The following DUSP8 variants were observed in gnomAD, a reference collection of about 807,000 sequenced individuals.
DUSP8 encodes dual specificity protein phosphatase 8.
Under a neutral mutation model 38.7 loss-of-function variants are expected in DUSP8, and 15 were observed. That is an observed-to-expected ratio of 0.39 (90% CI 0.26 to 0.60). DUSP8 has a LOEUF of 0.60. Among genes scored for constraint, DUSP8 ranks in the 20% least tolerant of loss-of-function variants. The pLI, the probability that DUSP8 is intolerant of heterozygous loss-of-function variation, is 0.56. For missense variants in DUSP8, 768 were observed against 915.0 expected (o/e 0.84, Z 2.07); for synonymous variants, 458 against 433.9 (o/e 1.06, Z -0.69).
chr11:1,557,610 G>C lies in DUSP8; in HGVS notation c.822-36C>G. ...GGAGGCTCAGTCCCAGGCGCCCGCC[G>C]GGGCCAGGCTGCCCACCTGACGCAC... On this transcript the variant is annotated intron_variant, in intron 6 of 6. Transcript: ENST00000397374. The surrounding 1 kb of genome is among the most constrained non-coding windows in gnomAD (Gnocchi z 9.9). 6.7e-7 allele frequency: 1 copy of C among 1,495,008 alleles called. No homozygotes were observed. The highest frequency in any genetic ancestry group is 8.9e-7 in the Non-Finnish European group (1 of 1,127,318). The allele number at this position is 1,495,008 out of a possible 1,614,324, so 92.6% of individuals were successfully genotyped here. A position where few individuals can be genotyped will look rare whatever the true frequency, so the allele number is the denominator to read the frequency against.
rs1848588519 is a variant in DUSP8 at position 1,554,429 on chromosome 11, G to A, written c.*2089C>T. 1 of 153,980 alleles carries A rather than the reference G, an allele frequency of 6.5e-6. No individual in the cohort carries two copies. The highest frequency in any genetic ancestry group is 1.5e-5 in the Non-Finnish European group (1 of 68,782). The allele number at this position is 153,980 out of a possible 1,614,324, so 9.5% of individuals were successfully genotyped here. On this transcript the variant is annotated 3_prime_UTR_variant, in exon 7 of 7. Transcript: ENST00000397374. ...GTGGGAGGGGCCGGAGAGAGGCTTGGAGAGGACTCAGGGCTGGGTCAGGTG... is the reference window on the plus strand; with the variant it reads ...GTGGGAGGGGCCGGAGAGAGGCTTGAAGAGGACTCAGGGCTGGGTCAGGTG...
intron 3 of DUSP8, among the ~76,000 whole-genome samples, chr11:1,563,219 T>C (rs1050580581): frequency 6.6e-6 from 1 of 152,178 alleles, no homozygotes; most frequent in African/African-American, 2.4e-5. Flanking sequence ...CGTCCGGCTC[T>C]GGGACCTGGG....
chr11:1,556,965 G>A lies in DUSP8; in HGVS notation c.1431C>T (p.Gly477=). 5 of 1,061,660 alleles carry A rather than the reference G, an allele frequency of 4.7e-6. No individual in the cohort carries two copies. The highest frequency in any genetic ancestry group is 8.1e-5 in the East Asian group (1 of 12,282). The allele number at this position is 1,061,660 out of a possible 1,614,324, so 65.8% of individuals were successfully genotyped here. The change falls in exon 7 of 7, where the codon GGC becomes GGT. Residue 477 remains glycine (G), a synonymous_variant. Coordinates refer to ENST00000397374, the MANE Select transcript of DUSP8 (RefSeq NM_004420.3). This position sits in a 1 kb window ranked among gnomAD's most constrained non-coding sequence, Gnocchi z 5.2. ...SPAHSLGLNF[G]DAARQTPRHG... Reference sequence around the variant, plus strand: ...GCCGCGGAGTCTGCCGGGCCGCATCGCCGAAGTTCAGGCCGAGGCTGTGCG... The same window carrying A: ...GCCGCGGAGTCTGCCGGGCCGCATCACCGAAGTTCAGGCCGAGGCTGTGCG...
chr11:1,572,379 A>C (rs1848919730), upstream of DUSP8, among the ~76,000 whole-genome samples: 1 of 106,738 alleles, frequency 9.4e-6, no homozygotes, highest in African/African-American at 3.6e-5. This position sits in a 1 kb window ranked among gnomAD's most constrained non-coding sequence, Gnocchi z 4.7. Flanking sequence ...GCTCGGGGGC[A>C]GGTGACGTCA....
Position 1,565,638 on chromosome 11 carries a change from C to T in DUSP8, c.189G>A (p.Lys63=), listed in dbSNP as rs140353465. Residue 63 remains lysine (K), a synonymous_variant, in exon 2 of 7, where the codon AAG becomes AAA. Coordinates refer to ENST00000397374, the MANE Select transcript of DUSP8 (RefSeq NM_004420.3). The stretch of plus-strand genomic sequence containing the variant: ...GCTGGATGAGCTCCGCAATGGTCAC[C>T]TTGCCCTGCTGCAGCCGCCGCTTCA... ...KLVKRRLQQG[K]VTIAELIQPA... is the part of the protein sequence containing the mutation. The T allele has an allele frequency of 4.0e-4, 647 of 1,610,736 alleles. 1 individual carries two copies. Among genetic ancestry groups the T allele is most frequent in the Non-Finnish European group, 5.2e-4 (619 of 1,179,280 alleles).
At chr11:1,559,988 A>G (rs1233237354) in intron 3 of DUSP8, among the ~76,000 whole-genome samples, 1 of 152,200 alleles carries the variant, frequency 6.6e-6, no homozygotes, top group African/African-American at 2.4e-5. Flanking sequence ...GATAATGAGC[A>G]CGAAGACACA....
chr11:1,556,659 C>G lies in DUSP8; in HGVS notation c.1737G>C (p.Pro579=). 1.4e-6 allele frequency: 2 copies of G among 1,393,434 alleles called. No homozygotes were observed. Among genetic ancestry groups the G allele is most frequent in the South Asian group, 1.5e-5 (1 of 64,600 alleles). The allele number at this position is 1,393,434 out of a possible 1,614,324, so 86.3% of individuals were successfully genotyped here. The change falls in exon 7 of 7, where the codon CCG becomes CCC. Residue 579 remains proline, a synonymous_variant. Transcript: ENST00000397374. The surrounding 1 kb of genome is among the most constrained non-coding windows in gnomAD (Gnocchi z 5.2). ...AGCTGCGGCGCTTGAACTGCGTCTCCGGGGCCGGCTCCTCGGGCCAGCCGG... is the reference window on the plus strand; with the variant it reads ...AGCTGCGGCGCTTGAACTGCGTCTCGGGGGCCGGCTCCTCGGGCCAGCCGG... The part of the protein sequence containing the change: ...ARTGWPEEPA[P]ETQFKRRSCQ...
intron 3 of DUSP8, among the ~76,000 whole-genome samples, chr11:1,561,551 A>C (rs537249007): frequency 1.3e-5 from 2 of 152,102 alleles, no homozygotes; most frequent in Non-Finnish European, 2.9e-5. Flanking sequence ...GCCCCCCAAC[A>C]TCGTGAGCAG....
At position 1,558,257 on chromosome 11, in the gene DUSP8, T is replaced by C. The variant is rs746503882; in HGVS notation, c.552A>G (p.Gln184=). The C allele has an allele frequency of 7.0e-7, 1 of 1,430,216 alleles. No individual in the cohort carries two copies. The highest frequency in any genetic ancestry group is 9.4e-7 in the Non-Finnish European group (1 of 1,061,586). The allele number at this position is 1,430,216 out of a possible 1,614,324, so 88.6% of individuals were successfully genotyped here. Residue 184 remains glutamine (Q), a synonymous_variant, in exon 5 of 7, where the codon CAA becomes CAG. Transcript: ENST00000397374. This position sits in a 1 kb window ranked among gnomAD's most constrained non-coding sequence, Gnocchi z 6.3. ...CGTTGAGGACGTAGCTTATTCCATTTTGCGTCATCAGATCCTGGAGGGGCG... is the reference window on the plus strand; with the variant it reads ...CGTTGAGGACGTAGCTTATTCCATTCTGCGTCATCAGATCCTGGAGGGGCG... The part of the protein sequence containing the change: ...KDVLNKDLMT[Q]NGISYVLNAS...
At chr11:1,562,596 C>T (rs968954576) in intron 3 of DUSP8, among the ~76,000 whole-genome samples, 1 of 152,290 alleles carries the variant, frequency 6.6e-6, no homozygotes, top group Non-Finnish European at 1.5e-5. Flanking sequence ...TGCATATACA[C>T]GTGCACACAC....
chr11:1,557,765 C>T lies in DUSP8; in HGVS notation c.821+29G>A, dbSNP rs1419048448. Reference sequence around the variant, plus strand: ...GGGGAAGGGAAGCGACGCTGTGAGCCACAAGTGCGCGACTGGGGAAGGTGG... The same window carrying T: ...GGGGAAGGGAAGCGACGCTGTGAGCTACAAGTGCGCGACTGGGGAAGGTGG... On this transcript the variant is annotated intron_variant, in intron 6 of 6. Transcript: ENST00000397374. This position sits in a 1 kb window ranked among gnomAD's most constrained non-coding sequence, Gnocchi z 9.9. 7 of 1,611,612 alleles carry T rather than the reference C, an allele frequency of 4.3e-6. No homozygotes were observed. In the African/African-American group the frequency reaches 5.3e-5, roughly 12 times the overall value.
intron 3 of DUSP8, 70 bp downstream of exon 3, chr11:1,563,780 GC>G: frequency 7.2e-7 from 1 of 1,386,676 alleles, no homozygotes; most frequent in Non-Finnish European, 9.5e-7. Flanking sequence ...CCTCCCTGAT[GC>G]CCCAGCCCCA....
At chr11:1,571,069 G>T (rs527626014) in intron 1 of DUSP8, among the ~76,000 whole-genome samples, 1 of 152,120 alleles carries the variant, frequency 6.6e-6, no homozygotes, top group Admixed American at 6.5e-5. Flanking sequence ...CTCAGCAGAG[G>T]CCGGTACACC....
rs753216135 is a variant in DUSP8 at position 1,565,769 on chromosome 11, G to C, written c.58C>G (p.Leu20Val). The C allele has an allele frequency of 6.2e-7, 1 of 1,611,190 alleles. No individual in the cohort carries two copies. Among genetic ancestry groups the C allele is most frequent in the Admixed American group, 1.7e-5 (1 of 59,990 alleles). The change falls in exon 2 of 7, where the codon CTG (leucine) becomes GTG (valine). Residue 20 changes from leucine to valine, a missense_variant. Physicochemically the swap from Leu to Val is conservative, Grantham distance 32. Transcript: ENST00000397374. ...AGCGGCCCCCCAGGCCCGCCCCGCA[G>C]CAGGCTGGCCAGCTTCTTGGCATCC... ...VMDAKKLASL[L>V]RGGPGGPLVI... is the part of the protein sequence containing the mutation.
At chr11:1,571,605 TC>T (rs35595990) in intron 1 of DUSP8, 94,971 of 150,296 alleles carry the variant, frequency 0.63, 30,289 homozygotes, top group Non-Finnish European at 0.66. Flanking sequence ...TGGATTTTTG[TC>T]CCCCCCCCAT....
At chr11:1,569,486 C>T (rs976375848) in intron 1 of DUSP8, among the ~76,000 whole-genome samples, 8 of 152,142 alleles carry the variant, frequency 5.3e-5, no homozygotes, top group African/African-American at 1.7e-4. Context: ...TATGTGCACA[C>T]GCGTGGGCTG....
chr11:1,562,192 C>T (rs189913913), intron 3 of DUSP8, among the ~76,000 whole-genome samples: 34 of 152,294 alleles, frequency 2.2e-4, no homozygotes, highest in African/African-American at 7.7e-4. Flanking sequence ...AGGGCCCCAG[C>T]CCCCCAAACC....
rs1011541527 is a variant in DUSP8, at chr11:1,554,525, C to T, written c.*1993G>A. 2.5e-5 allele frequency: 13 copies of T among 517,726 alleles called. No homozygotes were observed. The highest frequency in any genetic ancestry group is 6.4e-5 in the Admixed American group (1 of 15,702). The allele number at this position is 517,726 out of a possible 1,614,324, so 32.1% of individuals were successfully genotyped here. On this transcript the variant is annotated 3_prime_UTR_variant, in exon 7 of 7. Transcript: ENST00000397374. Reference sequence around the variant, plus strand: ...GAGGCAGTGGCCAACACAGGACCTTCGCCCCCCTGCTGGCTGCTCACTTTG... The same window carrying T: ...GAGGCAGTGGCCAACACAGGACCTTTGCCCCCCTGCTGGCTGCTCACTTTG...
In DUSP8 at chr11:1,572,209, C is replaced by A. The variant is rs1848915445; in HGVS notation, c.-417G>T. On this transcript the variant is annotated 5_prime_UTR_variant, in exon 1 of 7. Coordinates refer to ENST00000397374, the MANE Select transcript of DUSP8 (RefSeq NM_004420.3). The surrounding 1 kb of genome is among the most constrained non-coding windows in gnomAD (Gnocchi z 4.7). ...GCTCGGGCTCGGGCTCGGGCTCGGG[C>A]GTCCGGCGTCCGGCGGGGCGTCGTG... is the stretch of plus-strand genomic sequence containing the variant. 6.9e-6 allele frequency among the ~76,000 whole-genome samples: 1 copy of A among 144,940 alleles called. No individual in the cohort carries two copies. The highest frequency in any genetic ancestry group is 1.5e-5 in the Non-Finnish European group (1 of 65,408).
Sources: gnomAD v4.1 joint callset for allele counts (sites outside exome capture counted in the v4.1 genomes callset) on GRCh38, gnomAD v4.1.1 for gene constraint, Gnocchi (gnomAD v3.1) non-coding constraint, MANE v1.5 for transcripts, NCBI Gene and HGNC (gene_info 2026-07-23, HGNC 2026-07-21) for gene names.